Variants in SUPT3H observed in about 807,000 individuals in gnomAD.
SUPT3H encodes SPT3 homolog, SAGA and STAGA complex component.
Under a neutral mutation model 44.3 loss-of-function variants are expected in SUPT3H, and 44 were observed. The observed-to-expected ratio is 0.99, with a 90% confidence interval of 0.78 to 1.28. The LOEUF is 1.28. Ranked by LOEUF, SUPT3H falls within the 50% of genes most tolerant of loss-of-function variation. The pLI is 0.00. For synonymous variants in SUPT3H, 124 were observed against 125.6 expected (o/e 0.99, Z 0.09); for missense variants, 380 against 387.1 (o/e 0.98, Z 0.15).
intron 2 of SUPT3H, among the ~76,000 whole-genome samples, chr6:45,325,998 T>G (rs997670709): frequency 6.6e-6 from 1 of 151,898 alleles, no homozygotes; most frequent in African/African-American, 2.4e-5. Context: ...GGACAAAAAG[T>G]GCATATATAA....
At chr6:45,272,507 T>C (rs1411697648) in intron 2 of SUPT3H, among the ~76,000 whole-genome samples, 2 of 152,220 alleles carry the variant, frequency 1.3e-5, no homozygotes, top group Non-Finnish European at 2.9e-5. Flanking sequence ...TAAACCTCTG[T>C]CTTTTGTAAA....
chr6:45,103,500 A>C (rs1223561821), intron 3 of SUPT3H, among the ~76,000 whole-genome samples: 1 of 152,316 alleles, frequency 6.6e-6, no homozygotes, highest in African/African-American at 2.4e-5. Context: ...AGATACTGCA[A>C]TAGAAAATAC....
intron 3 of SUPT3H, 52 bp downstream of exon 3, chr6:45,105,870 T>C: frequency 7.2e-7 from 1 of 1,394,116 alleles, no homozygotes; most frequent in Non-Finnish European, 1.0e-6. Flanking sequence ...GTTACCATCC[T>C]AATAAAAGAA....
At chr6:45,012,031 G>T (rs1783558936) in intron 5 of SUPT3H, among the ~76,000 whole-genome samples, 1 of 150,560 alleles carries the variant, frequency 6.6e-6, no homozygotes, top group Non-Finnish European at 1.5e-5. Flanking sequence ...TGAGAAGTCA[G>T]CCATAAATAT....
At position 45,205,753 on chromosome 6, in the gene SUPT3H, C is replaced by T. The variant is rs148619307; in HGVS notation, c.102-99747G>A. On this transcript the variant is annotated intron_variant, in intron 2 of 10. Transcript: ENST00000371459. Reference sequence around the variant, plus strand: ...CAGAGGCTGCAGTGAGCCAAGATTGCGCCACTCTACTCCAGCCTGGGTGAC... The same window carrying T: ...CAGAGGCTGCAGTGAGCCAAGATTGTGCCACTCTACTCCAGCCTGGGTGAC... Among the ~76,000 whole-genome samples the T allele has an allele frequency of 4.4e-3, 673 of 151,978 alleles. 3 individuals are homozygous for T. The highest frequency in any genetic ancestry group is 6.9e-3 in the Non-Finnish European group (468 of 67,962).
At chr6:45,155,442 G>A (rs1807660530) in intron 2 of SUPT3H, among the ~76,000 whole-genome samples, 1 of 152,154 alleles carries the variant, frequency 6.6e-6, no homozygotes, top group African/African-American at 2.4e-5. Context: ...GACGGTCAAA[G>A]AAGACTGAAA....
chr6:45,109,047 A>G lies in SUPT3H; in HGVS notation c.102-3041T>C, dbSNP rs187837976. 2.6e-3 allele frequency among the ~76,000 whole-genome samples: 402 copies of G among 152,214 alleles called. 2 individuals carry two copies. The highest frequency in any genetic ancestry group is 0.01 in the Middle Eastern group (3 of 292). On this transcript the variant is annotated intron_variant, in intron 2 of 10. Coordinates refer to ENST00000371459, the MANE Select transcript of SUPT3H (RefSeq NM_003599.4). ...AAGATGCAATTAAAAGTAAATATAA[A>G]TTGGTTCTAAACATTATATGAGATG...
chr6:44,897,427 T>C (rs1004552618), intron 10 of SUPT3H, among the ~76,000 whole-genome samples: 3 of 152,220 alleles, frequency 2.0e-5, no homozygotes, highest in African/African-American at 4.8e-5. Flanking sequence ...TGGTCTTTTA[T>C]CCAACAGAAA....
chr6:45,283,565 G>A (rs1182200744), intron 2 of SUPT3H, among the ~76,000 whole-genome samples: 1 of 151,966 alleles, frequency 6.6e-6, no homozygotes, highest in Non-Finnish European at 1.5e-5. Context: ...ACCCAATACA[G>A]GAGCACCCAG....
At chr6:44,857,412 C>T (rs940969770) in intron 10 of SUPT3H, among the ~76,000 whole-genome samples, 1 of 152,084 alleles carries the variant, frequency 6.6e-6, no homozygotes, top group African/African-American at 2.4e-5. Flanking sequence ...CTGCTACAAT[C>T]GTTTGCTTTA....
intron 2 of SUPT3H, among the ~76,000 whole-genome samples, chr6:45,254,360 C>T (rs912228386): frequency 6.6e-6 from 1 of 152,146 alleles, no homozygotes; most frequent in Non-Finnish European, 1.5e-5. Context: ...TAACCACCTA[C>T]TATTAGCAAG....
rs187601366 is a variant in SUPT3H, at chr6:45,359,323, T to C, written c.101+5878A>G. On this transcript the variant is annotated intron_variant, in intron 2 of 10. Transcript: ENST00000371459. ...TTTTTATGTTCTCAATCTGCTTTTA[T>C]ACATAATATCACTTTCAGGAAATCT... 2.1e-3 allele frequency among the ~76,000 whole-genome samples: 325 copies of C among 152,300 alleles called. 1 individual carries two copies. Among genetic ancestry groups the C allele is most frequent in the African/African-American group, 7.5e-3 (311 of 41,590 alleles).
intron 5 of SUPT3H, among the ~76,000 whole-genome samples, chr6:45,010,963 TATTG>T (rs1180902583): frequency 6.6e-6 from 1 of 152,118 alleles, no homozygotes; most frequent in Non-Finnish European, 1.5e-5. Flanking sequence ...TTCCTACATT[TATTG>T]AGGTGATCAT....
intron 2 of SUPT3H, among the ~76,000 whole-genome samples, chr6:45,284,559 C>T (rs1778845813): frequency 6.6e-6 from 1 of 152,180 alleles, no homozygotes; most frequent in Admixed American, 6.5e-5. Flanking sequence ...AGTTGAATCT[C>T]TGAATAGACC....
rs150951960 is a variant in SUPT3H, at chr6:45,189,156, C to T, written c.102-83150G>A. The stretch of plus-strand genomic sequence containing the variant: ...AAAAATAAAATAAAATGTGAGAGAT[C>T]ATTTGTCTTATTTGCCAAACAAATA... On this transcript the variant is annotated intron_variant, in intron 2 of 10. Transcript: ENST00000371459. 1.9e-3 allele frequency among the ~76,000 whole-genome samples: 283 copies of T among 152,222 alleles called. 2 individuals carry two copies. Among genetic ancestry groups the T allele is most frequent in the Middle Eastern group, 0.01 (3 of 294 alleles).
At chr6:44,992,772 TA>T (rs2153499441) in intron 6 of SUPT3H, among the ~76,000 whole-genome samples, 1 of 152,236 alleles carries the variant, frequency 6.6e-6, no homozygotes, top group East Asian at 1.9e-4. Flanking sequence ...ATATTGTTTT[TA>T]AAAAGATGGC....
At chr6:44,833,897 A>G (rs1769322783) in intron 10 of SUPT3H, among the ~76,000 whole-genome samples, 1 of 152,208 alleles carries the variant, frequency 6.6e-6, no homozygotes, top group African/African-American at 2.4e-5. Context: ...TTCAAATTTA[A>G]GCTAAATCAG....
chr6:45,158,300 T>TATATA lies in SUPT3H; in HGVS notation c.102-52295_102-52294insTATAT, dbSNP rs1562573429. Among the ~76,000 whole-genome samples, 89 of 63,716 alleles carry TATATA rather than the reference T, an allele frequency of 1.4e-3. 1 individual carries two copies. Among genetic ancestry groups the TATATA allele is most frequent in the African/African-American group, 5.1e-3 (79 of 15,536 alleles). The allele number at this position is 63,716 out of a possible 152,430, so 41.8% of individuals were successfully genotyped here. A position where few individuals can be genotyped will look rare whatever the true frequency, so the allele number is the denominator to read the frequency against. On this transcript the variant is annotated intron_variant, in intron 2 of 10. Coordinates refer to ENST00000371459, the MANE Select transcript of SUPT3H (RefSeq NM_003599.4). Reference sequence around the variant, plus strand: ...CATATATATATATATATATATATATTTTTTTTTTTTTTTTTTTGAGATGGA... The same window carrying TATATA: ...CATATATATATATATATATATATATTATATATTTTTTTTTTTTTTTTTGAGATGGA...
intron 3 of SUPT3H, among the ~76,000 whole-genome samples, chr6:45,020,981 G>T (rs749381514): frequency 2.0e-5 from 3 of 151,836 alleles, no homozygotes; most frequent in African/African-American, 7.2e-5. Flanking sequence ...GTTTCACTCA[G>T]TATCACTAGT....
Sources: gnomAD v4.1 joint callset for allele counts (sites outside exome capture counted in the v4.1 genomes callset) on GRCh38, gnomAD v4.1.1 for gene constraint, MANE v1.5 for transcripts, NCBI Gene and HGNC (gene_info 2026-07-23, HGNC 2026-07-21) for gene names.